ANKRD30A: variants seen among roughly 807,000 people sequenced by gnomAD.
ANKRD30A encodes the protein ankyrin repeat domain-containing protein 30A.
ANKRD30A carries 170 observed loss-of-function variants against 166.3 expected under a neutral mutation model. The observed-to-expected ratio is 1.02, with a 90% CI of 0.90 to 1.16. The LOEUF is 1.16. Ranked by LOEUF, ANKRD30A falls within the 50% of genes most tolerant of loss-of-function variation. The pLI is 0.00. For missense variants in ANKRD30A, 1,630 were observed against 1,518.0 expected, an observed-to-expected ratio of 1.07 and a Z score of -1.23; for synonymous variants, 564 against 508.9, an observed-to-expected ratio of 1.11 and a Z score of -1.46.
intron 34 of ANKRD30A, among the ~76,000 whole-genome samples, chr10:37,227,872 A>T (rs1331680883): frequency 1.3e-5 from 2 of 152,002 alleles, no homozygotes; most frequent in Non-Finnish European, 2.9e-5. Flanking sequence ...TCCTGGGAAG[A>T]GAAGAGTCAG....
chr10:37,213,446 G>A (rs1410688511), intron 31 of ANKRD30A, among the ~76,000 whole-genome samples: 1 of 151,508 alleles, frequency 6.6e-6, no homozygotes, highest in Non-Finnish European at 1.5e-5. Flanking sequence ...TCACCTCTAT[G>A]ATTTGATTTT....
At chr10:37,192,511 T>C (rs1465085221) in intron 25 of ANKRD30A, among the ~76,000 whole-genome samples, 1 of 152,088 alleles carries the variant, frequency 6.6e-6, no homozygotes, top group African/African-American at 2.4e-5. Flanking sequence ...GAAATGCTGC[T>C]AAATTTAGAA....
chr10:37,154,813 G>T (rs1017647792), intron 13 of ANKRD30A, among the ~76,000 whole-genome samples: 7 of 152,210 alleles, frequency 4.6e-5, no homozygotes, highest in African/African-American at 1.7e-4. Flanking sequence ...GAATGCTAGA[G>T]TGTGGGTGCT....
At chr10:37,201,582 G>T (rs1841631199) in intron 31 of ANKRD30A, among the ~76,000 whole-genome samples, 2 of 151,940 alleles carry the variant, frequency 1.3e-5, no homozygotes, top group South Asian at 4.1e-4. Context: ...AAATAAGAAA[G>T]AAGAAAGTAG....
intron 13 of ANKRD30A, 71 bp from the exon 14 acceptor site, chr10:37,158,321 C>G: frequency 1.3e-6 from 2 of 1,539,526 alleles, no homozygotes; most frequent in Non-Finnish European, 1.8e-6. Context: ...TTCATGTTCA[C>G]ACTGTGTGAA....
chr10:37,233,805 A>G (rs1843551568), downstream of ANKRD30A, among the ~76,000 whole-genome samples: 1 of 152,166 alleles, frequency 6.6e-6, no homozygotes, highest in Non-Finnish European at 1.5e-5. Flanking sequence ...GAGAGGTGGC[A>G]CAGATTATCT....
In ANKRD30A at chr10:37,197,550, C is replaced by T. The variant is rs1018073339; in HGVS notation, c.2716+70C>T. On this transcript the variant is annotated intron_variant, in intron 29 of 35. Transcript: ENST00000361713. The stretch of plus-strand genomic sequence containing the variant: ...TGAACATTTTGATGGTCTTTCTATC[C>T]CCAATGCTTTATTTTTTTCAACTTT... 3.7e-6 allele frequency: 6 copies of T among 1,601,470 alleles called. No individual in the cohort carries two copies. In the Admixed American group the frequency reaches 5.1e-5, roughly 14 times the overall value.
intron 19 of ANKRD30A, 110 bp downstream of exon 19, chr10:37,166,805 G>T (rs1246599570): frequency 1.2e-5 from 17 of 1,457,846 alleles, no homozygotes; most frequent in East Asian, 2.4e-5. Context: ...TGCAAACCAT[G>T]GAAAAAAAGA....
intron 17 of ANKRD30A, among the ~76,000 whole-genome samples, chr10:37,164,355 C>G (rs898804227): frequency 6.7e-6 from 1 of 148,300 alleles, no homozygotes; most frequent in African/African-American, 2.5e-5. Context: ...TTGATTTTAT[C>G]CTATTACACG....
intron 7 of ANKRD30A, among the ~76,000 whole-genome samples, chr10:37,144,746 ATAAT>A (rs755971264): frequency 6.6e-6 from 1 of 152,182 alleles, no homozygotes; most frequent in African/African-American, 2.4e-5. Flanking sequence ...TTGTGAAGAA[ATAAT>A]TAATACAAAT....
intron 31 of ANKRD30A, among the ~76,000 whole-genome samples, chr10:37,214,798 C>T (rs1206105851): frequency 6.6e-6 from 1 of 151,126 alleles, no homozygotes; most frequent in Non-Finnish European, 1.5e-5. Flanking sequence ...TCTTCTCTTC[C>T]AGCCAGATCC....
intron 31 of ANKRD30A, among the ~76,000 whole-genome samples, chr10:37,202,864 A>C (rs1016606071): frequency 6.6e-6 from 1 of 152,236 alleles, no homozygotes; most frequent in African/African-American, 2.4e-5. Context: ...AAACACCTCT[A>C]TGCAAATAAA....
chr10:37,199,578 A>G (rs1294781948), intron 29 of ANKRD30A, 149 bp from the exon 30 acceptor site: 1 of 448,772 alleles, frequency 2.2e-6, no homozygotes, highest in Non-Finnish European at 4.2e-6. Flanking sequence ...GATTGACTAT[A>G]GGAAGTAGTC....
rs187683305 is a variant in ANKRD30A, at chr10:37,145,881, A to G, written c.1455+825A>G. Among the ~76,000 whole-genome samples the G allele has an allele frequency of 3.3e-5, 5 of 152,302 alleles. No homozygotes were observed. In the East Asian group the frequency reaches 9.6e-4, roughly 29 times the overall value. The stretch of plus-strand genomic sequence containing the variant: ...GGAACATTTCAGGAGACAAACATGC[A>G]TAAAGAATAGGAAACCAGTGGGACT... On this transcript the variant is annotated intron_variant, in intron 8 of 35. Transcript: ENST00000361713.
intron 25 of ANKRD30A, among the ~76,000 whole-genome samples, chr10:37,190,528 A>T (rs1469383162): frequency 2.0e-5 from 3 of 151,798 alleles, no homozygotes; most frequent in Non-Finnish European, 4.4e-5. Flanking sequence ...AAATAATGTT[A>T]ACAGGTGTCG....
At chr10:37,225,780 A>T (rs1223519881) in intron 34 of ANKRD30A, among the ~76,000 whole-genome samples, 2 of 151,878 alleles carry the variant, frequency 1.3e-5, no homozygotes, top group African/African-American at 4.8e-5. Context: ...AGTCACTAGT[A>T]TCAAATTGAT....
At chr10:37,217,993 G>T (rs933143100) in intron 33 of ANKRD30A, 115 bp downstream of exon 33, 2 of 664,274 alleles carry the variant, frequency 3.0e-6, no homozygotes, top group African/African-American at 1.9e-5. Context: ...CAAAAATGTT[G>T]TCTTAAAATT....
chr10:37,172,538 A>T (rs200105992), intron 21 of ANKRD30A, among the ~76,000 whole-genome samples: 63 of 135,074 alleles, frequency 4.7e-4, no homozygotes, highest in African/African-American at 1.6e-3. Flanking sequence ...GTTTTTTTTT[A>T]ATTTCTTTTT....
In ANKRD30A at chr10:37,142,199, A is replaced by G. The variant is rs1187711317; in HGVS notation, c.1302A>G (p.Val434=). 3 of 1,612,506 alleles carry G rather than the reference A, an allele frequency of 1.9e-6. No individual in the cohort carries two copies. The highest frequency in any genetic ancestry group is 2.5e-6 in the Non-Finnish European group (3 of 1,179,710). ...TPVKTGCVAR[V]TSNKTKVLEK... ...TAAAGACTGGATGCGTGGCAAGAGT[A>G]ACATCTAATAAAACTAAAGTTTTGG... The change falls in exon 7 of 36, where the codon GTA becomes GTG. Residue 434 remains valine, a synonymous_variant. Coordinates refer to ENST00000361713, the MANE Select transcript of ANKRD30A (RefSeq NM_052997.3).
Sources: gnomAD v4.1 joint callset for allele counts (sites outside exome capture counted in the v4.1 genomes callset) on GRCh38, gnomAD v4.1.1 for gene constraint, MANE v1.5 for transcripts, NCBI Gene and HGNC (gene_info 2026-07-23, HGNC 2026-07-21) for gene names.